FMN2: variants seen among roughly 807,000 people sequenced by gnomAD.
FMN2 encodes the protein formin-2.
A neutral mutation model predicts 142.3 loss-of-function variants in FMN2; 51 were observed. The observed-to-expected ratio is 0.36, with a 90% CI of 0.29 to 0.45. The LOEUF is 0.45. FMN2 is among the 20% of genes least tolerant of loss of function. The probability of loss-of-function intolerance (pLI) is 1.00; values close to 1 mark genes in which losing one functional copy is unlikely to be tolerated. For missense variants in FMN2, 1,936 were observed against 2,122.8 expected, an observed-to-expected ratio of 0.91 and a Z score of 1.73; for synonymous variants, 882 against 869.8, an observed-to-expected ratio of 1.01 and a Z score of -0.25.
chr1:240,243,564 G>T (rs1667983660), intron 6 of FMN2, among the ~76,000 whole-genome samples: 1 of 152,150 alleles, frequency 6.6e-6, no homozygotes, highest in Non-Finnish European at 1.5e-5. Flanking sequence ...AAATATAACT[G>T]CCGGTTATTG....
intron 8 of FMN2, among the ~76,000 whole-genome samples, chr1:240,321,496 A>G (rs538660513): frequency 9.8e-5 from 15 of 152,352 alleles, no homozygotes; most frequent in Admixed American, 8.5e-4. Flanking sequence ...AAATCAGTGA[A>G]TCAATAATTT....
intron 8 of FMN2, among the ~76,000 whole-genome samples, chr1:240,325,625 G>C (rs770386286): frequency 5.9e-5 from 9 of 152,120 alleles, no homozygotes; most frequent in Non-Finnish European, 8.8e-5. Context: ...TGAAAAATTT[G>C]AGTCTCCCAA....
intron 14 of FMN2, among the ~76,000 whole-genome samples, chr1:240,364,199 T>C (rs1337905958): frequency 6.6e-6 from 1 of 152,086 alleles, no homozygotes; most frequent in Non-Finnish European, 1.5e-5. Flanking sequence ...GATGGCAAAG[T>C]CAGGCTGGAA....
intron 2 of FMN2, among the ~76,000 whole-genome samples, chr1:240,140,969 A>G (rs1663156025): frequency 6.6e-6 from 1 of 152,190 alleles, no homozygotes. Flanking sequence ...CAGAGCCAGA[A>G]TCTTAGTCTC....
chr1:240,160,327 A>G (rs1664227464), intron 2 of FMN2, among the ~76,000 whole-genome samples: 3 of 151,686 alleles, frequency 2.0e-5, no homozygotes, highest in Admixed American at 6.6e-5. Context: ...CCAGCAATGT[A>G]TATAAAGGAA....
chr1:240,173,217 T>C (rs1664780925), intron 2 of FMN2, among the ~76,000 whole-genome samples: 1 of 152,146 alleles, frequency 6.6e-6, no homozygotes, highest in East Asian at 1.9e-4. Flanking sequence ...ATTACAGGTG[T>C]GAGCCACCAC....
At chr1:240,422,431 G>T (rs1354786388) in intron 15 of FMN2, among the ~76,000 whole-genome samples, 1 of 152,106 alleles carries the variant, frequency 6.6e-6, no homozygotes, top group Non-Finnish European at 1.5e-5. Flanking sequence ...TCTTTCATCT[G>T]AGTTTTGTGG....
intron 2 of FMN2, among the ~76,000 whole-genome samples, chr1:240,155,844 A>G (rs533719568): frequency 1.3e-5 from 2 of 149,478 alleles, no homozygotes; most frequent in South Asian, 4.2e-4. Flanking sequence ...CTTTAGCTAT[A>G]TCATTAAAAA....
At chr1:240,280,370 A>G (rs1181435431) in intron 7 of FMN2, among the ~76,000 whole-genome samples, 1 of 152,038 alleles carries the variant, frequency 6.6e-6, no homozygotes, top group Non-Finnish European at 1.5e-5. Flanking sequence ...AAAAAAGATG[A>G]TTCTTATTGG....
At chr1:240,292,336 A>T (rs946428571) in intron 7 of FMN2, among the ~76,000 whole-genome samples, 7 of 152,208 alleles carry the variant, frequency 4.6e-5, no homozygotes, top group Non-Finnish European at 7.3e-5. Context: ...AGTAAAAAAT[A>T]AAAAATGCAT....
chr1:240,292,172 T>C (rs1257792321), intron 7 of FMN2, among the ~76,000 whole-genome samples: 1 of 152,218 alleles, frequency 6.6e-6, no homozygotes, highest in Non-Finnish European at 1.5e-5. Flanking sequence ...GTCACCTTGA[T>C]ATAATTTCAA....
intron 2 of FMN2, among the ~76,000 whole-genome samples, chr1:240,129,948 A>G (rs1323843110): frequency 1.3e-5 from 2 of 152,058 alleles, no homozygotes; most frequent in African/African-American, 4.8e-5. Flanking sequence ...TTGAATTTTA[A>G]ATAATATGCT....
At chr1:240,192,838 G>A (rs983466061) in intron 4 of FMN2, among the ~76,000 whole-genome samples, 7 of 81,506 alleles carry the variant, frequency 8.6e-5, no homozygotes, top group Non-Finnish European at 1.4e-4. Context: ...GAGAAAGAAA[G>A]GATTTTTTTT....
At chr1:240,317,305 T>TAAAA (rs374121506) in intron 8 of FMN2, among the ~76,000 whole-genome samples, 26 of 146,354 alleles carry the variant, frequency 1.8e-4, no homozygotes, top group African/African-American at 6.2e-4. Context: ...AGACTCCATC[T>TAAAA]AAAAAGAAAA....
chr1:240,458,775 T>G (rs1188228204), intron 16 of FMN2: 1 of 152,236 alleles, frequency 6.6e-6, no homozygotes, highest in Non-Finnish European at 1.5e-5. Context: ...TCGACCATCA[T>G]GTACGGCAGG....
chr1:240,222,225 A>G (rs2103424975), intron 6 of FMN2, among the ~76,000 whole-genome samples: 1 of 152,220 alleles, frequency 6.6e-6, no homozygotes, highest in African/African-American at 2.4e-5. Context: ...CAGTTTTCCC[A>G]ACACCATTTA....
chr1:240,372,779 G>C (rs189464537), intron 14 of FMN2, among the ~76,000 whole-genome samples: 1 of 151,680 alleles, frequency 6.6e-6, no homozygotes, highest in African/African-American at 2.4e-5. Context: ...GCATTTTGGG[G>C]GTTCCCAGTG....
chr1:240,189,042 A>C (rs1665596869), intron 4 of FMN2, among the ~76,000 whole-genome samples: 1 of 152,168 alleles, frequency 6.6e-6, no homozygotes, highest in South Asian at 2.1e-4. Context: ...ACATGTGGGA[A>C]TTATGGGAGC....
At chr1:240,144,152 A>G in intron 2 of FMN2, 1 of 1,352,812 alleles carries the variant, frequency 7.4e-7, no homozygotes, top group Non-Finnish European at 1.1e-6. Context: ...ATGCAGCTGC[A>G]CTCAACATTC....
Sources: gnomAD v4.1 joint callset for allele counts (sites outside exome capture counted in the v4.1 genomes callset) on GRCh38, gnomAD v4.1.1 for gene constraint, MANE v1.5 for transcripts, NCBI Gene and HGNC (gene_info 2026-07-23, HGNC 2026-07-21) for gene names.